MYOM2: variants seen among roughly 807,000 people sequenced by gnomAD.
The protein encoded by MYOM2 is myomesin-2.
MYOM2 carries 254 observed loss-of-function variants against 187.6 expected under a neutral mutation model. The ratio of observed to expected loss-of-function variants is 1.35; its 90% confidence interval spans 1.22 to 1.50. The LOEUF (loss-of-function observed/expected upper bound fraction) is 1.50. Among genes scored for constraint, MYOM2 ranks in the 40% most tolerant of loss-of-function variants. The pLI is 0.00. For missense variants in MYOM2, 2,796 were observed against 1,924.0 expected, an observed-to-expected ratio of 1.45 and a Z score of -8.48; for synonymous variants, 981 against 753.8, an observed-to-expected ratio of 1.30 and a Z score of -4.94.
At chr8:2,077,588 G>C (rs10088024) in intron 11 of MYOM2, among the ~76,000 whole-genome samples, 21,962 of 152,022 alleles carry the variant, frequency 0.14, 1,818 homozygotes, top group East Asian at 0.3. Flanking sequence ...GCTGTTCCGG[G>C]CTTACCTTGA....
intron 6 of MYOM2, among the ~76,000 whole-genome samples, chr8:2,064,445 G>A (rs940197839): frequency 2.6e-5 from 4 of 152,224 alleles, no homozygotes; most frequent in East Asian, 1.9e-4. Flanking sequence ...TGGGGCCACC[G>A]CCGTCGTCAG....
At chr8:2,096,989 C>A (rs1364683096) in intron 18 of MYOM2, 2 of 324,336 alleles carry the variant, frequency 6.2e-6, no homozygotes, top group Admixed American at 6.5e-5. Flanking sequence ...CCCTTGGCAG[C>A]CATTGCTCTG....
At chr8:2,084,985 T>A in intron 13 of MYOM2, 1 of 403,106 alleles carries the variant, frequency 2.5e-6, no homozygotes, top group South Asian at 4.2e-5. Flanking sequence ...GGTAAATCCT[T>A]CCCCCTCTTC....
chr8:2,101,126 A>G, intron 20 of MYOM2, 72 bp downstream of exon 20: 3 of 1,509,930 alleles, frequency 2.0e-6, no homozygotes, highest in Middle Eastern at 3.4e-4. Flanking sequence ...CGGGCCAATC[A>G]CTTGAGGTCA....
chr8:2,101,584 C>A (rs938100800), intron 20 of MYOM2, among the ~76,000 whole-genome samples: 1 of 152,148 alleles, frequency 6.6e-6, no homozygotes, highest in Non-Finnish European at 1.5e-5. Flanking sequence ...GGACGCAGAG[C>A]CCTCCTTCCA....
At chr8:2,112,256 C>T (rs1243117590) in intron 25 of MYOM2, among the ~76,000 whole-genome samples, 1 of 152,050 alleles carries the variant, frequency 6.6e-6, no homozygotes, top group African/African-American at 2.4e-5. Flanking sequence ...AAAGATAGAA[C>T]CCAGGTTATA....
chr8:2,095,652 G>C (rs1325050874), intron 17 of MYOM2, among the ~76,000 whole-genome samples: 2 of 152,136 alleles, frequency 1.3e-5, no homozygotes, highest in Non-Finnish European at 2.9e-5. Context: ...GGTAACAGAG[G>C]ATGGCCACAT....
At chr8:2,130,948 A>T (rs906237890) in intron 32 of MYOM2, among the ~76,000 whole-genome samples, 1 of 152,192 alleles carries the variant, frequency 6.6e-6, no homozygotes. Context: ...CTTCTTATTT[A>T]CAGCATATTG....
At chr8:2,130,854 G>A (rs60166746) in intron 32 of MYOM2, among the ~76,000 whole-genome samples, 21,177 of 152,172 alleles carry the variant, frequency 0.14, 2,580 homozygotes, top group African/African-American at 0.31. Context: ...TTTATTTTGT[G>A]GGACAATGAG....
chr8:2,121,989 A>T (rs1213266708), intron 28 of MYOM2, among the ~76,000 whole-genome samples: 2 of 152,266 alleles, frequency 1.3e-5, no homozygotes, highest in African/African-American at 2.4e-5. Context: ...CGTCTCCCCC[A>T]ATTATAGGAC....
intron 21 of MYOM2, among the ~76,000 whole-genome samples, chr8:2,104,686 C>T (rs1796833713): frequency 6.6e-6 from 1 of 152,088 alleles, no homozygotes; most frequent in South Asian, 2.1e-4. Flanking sequence ...CCGGGATCTG[C>T]TGTGGTGGCT....
intron 25 of MYOM2, among the ~76,000 whole-genome samples, chr8:2,112,143 C>T (rs982387421): frequency 2.0e-5 from 3 of 152,134 alleles, no homozygotes; most frequent in Non-Finnish European, 4.4e-5. Context: ...ATCCACTTGG[C>T]CAATACACCA....
At position 2,123,279 on chromosome 8, in the gene MYOM2, T is replaced by A; in HGVS notation, c.3481T>A (p.Phe1161Ile). 6.2e-7 allele frequency: 1 copy of A among 1,613,152 alleles called. No homozygotes were observed. Among genetic ancestry groups the A allele is most frequent in the Non-Finnish European group, 8.5e-7 (1 of 1,179,768 alleles). Reference protein sequence around the residue: ...KVANTKKETVFKWLKDDVLYE... With the variant: ...KVANTKKETVIKWLKDDVLYE... ...TGCAAACACCAAGAAAGAAACCGTT[T>A]TCAAATGGCTCAAGGATGATGTTCT... Residue 1161 changes from phenylalanine to isoleucine, a missense_variant, in exon 29 of 37, where the codon TTC (phenylalanine) becomes ATC (isoleucine). Phe to Ile is a conservative substitution (Grantham distance 21). Coordinates refer to ENST00000262113, the MANE Select transcript of MYOM2 (RefSeq NM_003970.4).
chr8:2,102,932 G>T, intron 21 of MYOM2, 151 bp downstream of exon 21: 2 of 623,158 alleles, frequency 3.2e-6, no homozygotes, highest in African/African-American at 1.8e-5. Flanking sequence ...GTAGATAAAT[G>T]AATGGGAGAG....
chr8:2,123,860 C>T (rs776105877), intron 30 of MYOM2, among the ~76,000 whole-genome samples: 19 of 152,136 alleles, frequency 1.2e-4, no homozygotes, highest in African/African-American at 1.7e-4. Flanking sequence ...TTATATGAAA[C>T]GTCATTTCGG....
intron 11 of MYOM2, among the ~76,000 whole-genome samples, chr8:2,078,138 A>AT (rs1819497958): frequency 3.3e-5 from 5 of 152,190 alleles, no homozygotes. Context: ...AATCTTTCCT[A>AT]TATTTCCAGG....
At chr8:2,123,665 C>G (rs766136289) in intron 30 of MYOM2, 23 bp downstream of exon 30, 5 of 1,601,232 alleles carry the variant, frequency 3.1e-6, no homozygotes, top group Non-Finnish European at 4.3e-6. Flanking sequence ...CTCCTTTGTT[C>G]TGTGAACAAG....
rs575365907 is a variant in MYOM2 at position 2,065,440 on chromosome 8, C to T, written c.654-3838C>T. ...AAAAAATTAGCTGGGTGTGGTGGTG[C>T]GCACCTGTAATCCCAGCTACTCAGG... On this transcript the variant is annotated intron_variant, in intron 6 of 36. Transcript: ENST00000262113. 1.1e-4 allele frequency among the ~76,000 whole-genome samples: 16 copies of T among 152,096 alleles called. No individual in the cohort carries two copies. In the South Asian group the frequency reaches 2.3e-3, roughly 22 times the overall value.
At chr8:2,088,162 A>G (rs1365962945) in intron 14 of MYOM2, among the ~76,000 whole-genome samples, 1 of 152,168 alleles carries the variant, frequency 6.6e-6, no homozygotes, top group Non-Finnish European at 1.5e-5. Flanking sequence ...CCCAAGCAGT[A>G]TACGCTGCAC....
Sources: allele counts gnomAD v4.1 joint callset (sites outside exome capture counted in the v4.1 genomes callset), GRCh38; gene constraint gnomAD v4.1.1; transcripts MANE v1.5; gene names NCBI Gene and HGNC (gene_info 2026-07-23, HGNC 2026-07-21).